Variants in RASAL2 observed in about 807,000 individuals in gnomAD.
The protein encoded by RASAL2 is RAS protein activator like 2.
Under a neutral mutation model 128.9 loss-of-function variants are expected in RASAL2, and 58 were observed. The ratio of observed to expected loss-of-function variants is 0.45; its 90% CI spans 0.36 to 0.56. The LOEUF is 0.56. RASAL2 is among the 20% of genes least tolerant of loss of function. RASAL2 has a pLI of 0.00. For synonymous variants in RASAL2, 561 were observed against 580.8 expected (o/e 0.97, Z 0.49); for missense variants, 1,360 against 1,601.6 (o/e 0.85, Z 2.57).
chr1:178,456,400 C>T (rs1052978670), intron 12 of RASAL2: 6 of 383,914 alleles, frequency 1.6e-5, no homozygotes, highest in Admixed American at 3.7e-5. Flanking sequence ...TAGTTTGCTT[C>T]GCATGCCTAT....
chr1:178,186,266 C>T (rs1349305688), intron 1 of RASAL2, among the ~76,000 whole-genome samples: 1 of 150,928 alleles, frequency 6.6e-6, no homozygotes, highest in Non-Finnish European at 1.5e-5. Flanking sequence ...ATCTTCTCTC[C>T]TTTTTATTTT....
chr1:178,129,017 AACAT>A (rs139664605), intron 1 of RASAL2, among the ~76,000 whole-genome samples: 5,742 of 152,144 alleles, frequency 0.038, 355 homozygotes, highest in African/African-American at 0.13. Flanking sequence ...TTTTTATGTT[AACAT>A]ACATATGTTT....
rs772732342 is a variant in RASAL2, at chr1:178,468,800, T to TA, written c.3678+1385dup. ...CTAGGCCATCTCACTATTCACACTA[T>TA]AAAAAATCATCCCAGAGACTTAAGA... On this transcript the variant is annotated intron_variant, in intron 17 of 17. Coordinates refer to ENST00000367649, the MANE Select transcript of RASAL2 (RefSeq NM_170692.4). Among the ~76,000 whole-genome samples, 341 of 152,158 alleles carry TA rather than the reference T, an allele frequency of 2.2e-3. 3 individuals are homozygous for TA. The highest frequency in any genetic ancestry group is 2.5e-3 in the Non-Finnish European group (171 of 67,996).
intron 1 of RASAL2, among the ~76,000 whole-genome samples, chr1:178,170,038 C>T (rs1041184777): frequency 3.9e-5 from 6 of 151,982 alleles, no homozygotes; most frequent in South Asian, 2.1e-4. Context: ...TCCCCATTCT[C>T]ATTTATTTTA....
chr1:178,126,493 C>A (rs776459612), intron 1 of RASAL2, among the ~76,000 whole-genome samples: 63 of 152,048 alleles, frequency 4.1e-4, no homozygotes, highest in Non-Finnish European at 7.9e-4. Flanking sequence ...CATTTGCACC[C>A]TCCATGAGTA....
At chr1:178,109,602 A>T (rs1293056674) in intron 1 of RASAL2, among the ~76,000 whole-genome samples, 2 of 152,198 alleles carry the variant, frequency 1.3e-5, no homozygotes, top group Non-Finnish European at 2.9e-5. Context: ...ATCAGTTTTG[A>T]AATTTAACTC....
rs574130768 is a variant in RASAL2 at position 178,114,608 on chromosome 1, G to A, written c.202+19914G>A. ...GGGATATCTGCTCACTGCAAGCTCCGCCTCCTGGGTTCATGCCATTCTCCT... is the reference window on the plus strand; with the variant it reads ...GGGATATCTGCTCACTGCAAGCTCCACCTCCTGGGTTCATGCCATTCTCCT... On this transcript the variant is annotated intron_variant, in intron 1 of 17. Transcript: ENST00000367649. 4.6e-4 allele frequency among the ~76,000 whole-genome samples: 69 copies of A among 151,170 alleles called. No homozygotes were observed. In the South Asian group the frequency reaches 8.4e-3, roughly 18 times the overall value.
chr1:178,192,901 A>G (rs1328083127), intron 1 of RASAL2, among the ~76,000 whole-genome samples: 2 of 152,136 alleles, frequency 1.3e-5, no homozygotes, highest in Non-Finnish European at 2.9e-5. Flanking sequence ...GATATCTTGC[A>G]TTACTTCTTG....
intron 1 of RASAL2, among the ~76,000 whole-genome samples, chr1:178,147,093 T>A (rs1238330592): frequency 2.6e-5 from 4 of 151,958 alleles, no homozygotes; most frequent in Non-Finnish European, 5.9e-5. Context: ...GTTTTGTCAG[T>A]GTAGATACTT....
intron 1 of RASAL2, among the ~76,000 whole-genome samples, chr1:178,263,334 C>T (rs7531227): frequency 0.27 from 40,884 of 152,046 alleles, 6,413 homozygotes; most frequent in African/African-American, 0.44. Flanking sequence ...ATATTTCTCA[C>T]TTAATCTTCA....
chr1:178,390,258 C>A, intron 4 of RASAL2, 52 bp downstream of exon 4: 1 of 1,376,650 alleles, frequency 7.3e-7, no homozygotes. Context: ...TTTCTCCTTT[C>A]TTCTTAGAGT....
intron 1 of RASAL2, among the ~76,000 whole-genome samples, chr1:178,110,552 G>A (rs796660293): frequency 2.1e-5 from 3 of 142,966 alleles, no homozygotes; most frequent in African/African-American, 7.9e-5. Flanking sequence ...TATATACAGT[G>A]TATATATAGT....
intron 1 of RASAL2, among the ~76,000 whole-genome samples, chr1:178,152,654 A>T (rs1660953095): frequency 6.6e-6 from 1 of 151,950 alleles, no homozygotes; most frequent in African/African-American, 2.4e-5. Flanking sequence ...ACAGAGCTAG[A>T]CTCTGTCTCA....
chr1:178,424,868 G>C (rs1648804988), intron 5 of RASAL2, among the ~76,000 whole-genome samples: 1 of 152,190 alleles, frequency 6.6e-6, no homozygotes, highest in South Asian at 2.1e-4. Flanking sequence ...AAAGCAAGCT[G>C]TGAAAAATAC....
chr1:178,223,159 T>C (rs1031825981), intron 1 of RASAL2, among the ~76,000 whole-genome samples: 1 of 152,200 alleles, frequency 6.6e-6, no homozygotes, highest in African/African-American at 2.4e-5. Context: ...ATTGTGTGCT[T>C]ACAATTTGCT....
chr1:178,405,854 T>C (rs756337793), intron 4 of RASAL2, among the ~76,000 whole-genome samples: 5 of 152,258 alleles, frequency 3.3e-5, no homozygotes, highest in Non-Finnish European at 7.3e-5. Context: ...ATAGTACCTA[T>C]GTTAATTTCT....
chr1:178,134,650 T>C (rs1413008022), intron 1 of RASAL2, among the ~76,000 whole-genome samples: 1 of 152,136 alleles, frequency 6.6e-6, no homozygotes, highest in Non-Finnish European at 1.5e-5. Flanking sequence ...CTCTGCTCAG[T>C]GGGTGCCAAA....
chr1:178,245,093 G>A (rs1340374646), intron 1 of RASAL2, among the ~76,000 whole-genome samples: 1 of 152,198 alleles, frequency 6.6e-6, no homozygotes, highest in Non-Finnish European at 1.5e-5. Context: ...TATATACCCA[G>A]TAATGGGATT....
intron 1 of RASAL2, among the ~76,000 whole-genome samples, chr1:178,205,993 C>T (rs755791788): frequency 2.6e-5 from 4 of 151,974 alleles, no homozygotes; most frequent in Non-Finnish European, 4.4e-5. Context: ...TTCTTTTTTC[C>T]TCTGGTTTCC....
Sources: gnomAD v4.1 joint callset for allele counts (sites outside exome capture counted in the v4.1 genomes callset) on GRCh38, gnomAD v4.1.1 for gene constraint, MANE v1.5 for transcripts, NCBI Gene and HGNC (gene_info 2026-07-23, HGNC 2026-07-21) for gene names.